Variants in GPC5 observed in about 807,000 individuals in gnomAD.
GPC5 encodes glypican 5, also known as glypican-5.
In GPC5, 47 loss-of-function variants were observed where a neutral mutation model predicts 53.9. The observed-to-expected ratio is 0.87, with a 90% CI of 0.69 to 1.11. GPC5 has a LOEUF of 1.11. GPC5 is among the 50% of genes most tolerant of loss of function. The pLI, the probability that GPC5 is intolerant of heterozygous loss-of-function variation, is 0.00. For missense variants in GPC5, 748 were observed against 713.1 expected (o/e 1.05, Z -0.56); for synonymous variants, 286 against 263.3 (o/e 1.09, Z -0.84).
chr13:91,572,094 T>C (rs1461971818), intron 2 of GPC5, among the ~76,000 whole-genome samples: 3 of 126,144 alleles, frequency 2.4e-5, no homozygotes, highest in East Asian at 2.1e-4. Context: ...TATGTACATG[T>C]GTGTGTATAT....
At chr13:91,602,836 C>A (rs987064689) in intron 2 of GPC5, among the ~76,000 whole-genome samples, 19 of 152,080 alleles carry the variant, frequency 1.2e-4, no homozygotes, top group Non-Finnish European at 1.6e-4. Flanking sequence ...CTTTTTTCTT[C>A]ATTTGTAATT....
chr13:92,864,436 T>C (rs975907698), intron 7 of GPC5, among the ~76,000 whole-genome samples: 1 of 152,072 alleles, frequency 6.6e-6, no homozygotes, highest in Non-Finnish European at 1.5e-5. Context: ...GGCTCATGAA[T>C]GAACAAAATA....
intron 6 of GPC5, chr13:91,995,515 C>T (rs1438179636): frequency 1.3e-5 from 2 of 152,144 alleles, no homozygotes; most frequent in African/African-American, 4.8e-5. Flanking sequence ...TGCTTCTGTT[C>T]TGTTCCCTTG....
intron 7 of GPC5, among the ~76,000 whole-genome samples, chr13:92,550,655 GT>G (rs1413759606): frequency 5.9e-5 from 9 of 151,786 alleles, no homozygotes; most frequent in African/African-American, 2.2e-4. Flanking sequence ...TCATGTTTAG[GT>G]ATACATGTTT....
intron 7 of GPC5, among the ~76,000 whole-genome samples, chr13:92,319,375 A>AT (rs577907211): frequency 1.3e-4 from 19 of 144,824 alleles, no homozygotes; most frequent in African/African-American, 1.8e-4. Flanking sequence ...GGGCCAATGT[A>AT]TTTTTTTTTC....
intron 2 of GPC5, among the ~76,000 whole-genome samples, chr13:91,673,337 T>TA (rs1290055551): frequency 6.6e-6 from 1 of 152,158 alleles, no homozygotes; most frequent in Non-Finnish European, 1.5e-5. Context: ...GAATTATATA[T>TA]AACATTTAAA....
chr13:92,806,943 G>A (rs1184948132), intron 7 of GPC5, among the ~76,000 whole-genome samples: 1 of 152,098 alleles, frequency 6.6e-6, no homozygotes, highest in Non-Finnish European at 1.5e-5. Flanking sequence ...CTGGATGCAA[G>A]GTGACCACAA....
intron 2 of GPC5, among the ~76,000 whole-genome samples, chr13:91,482,491 A>G (rs1196609802): frequency 6.6e-6 from 1 of 152,210 alleles, no homozygotes; most frequent in Non-Finnish European, 1.5e-5. Context: ...TATGCTTCTC[A>G]TAGTGTAATC....
chr13:92,113,618 G>A (rs1038944541), intron 6 of GPC5, among the ~76,000 whole-genome samples: 4 of 152,096 alleles, frequency 2.6e-5, no homozygotes, highest in African/African-American at 7.2e-5. Context: ...TTATTTTAAT[G>A]TGAAATGTTA....
In GPC5 at chr13:91,614,874, C is replaced by T. The variant is rs148567279; in HGVS notation, c.326-78313C>T. The stretch of plus-strand genomic sequence containing the variant: ...TGTTACTGAAAGACTGAAGAATAGG[C>T]ATGTCCAAGGCAAACATGTTTAAGT... On this transcript the variant is annotated intron_variant, in intron 2 of 7. Coordinates refer to ENST00000377067, the MANE Select transcript of GPC5 (RefSeq NM_004466.6). 1.5e-3 allele frequency among the ~76,000 whole-genome samples: 234 copies of T among 152,294 alleles called. 1 individual carries two copies. The highest frequency in any genetic ancestry group is 6.8e-3 in the Middle Eastern group (2 of 294).
At chr13:92,802,543 C>A (rs1876946894) in intron 7 of GPC5, among the ~76,000 whole-genome samples, 1 of 151,842 alleles carries the variant, frequency 6.6e-6, no homozygotes, top group Non-Finnish European at 1.5e-5. Flanking sequence ...GACTTGGAAC[C>A]AACCCAAATG....
chr13:91,904,140 C>CTTTTTTTTTTTT (rs57293387), intron 5 of GPC5, among the ~76,000 whole-genome samples: 6 of 94,666 alleles, frequency 6.3e-5, no homozygotes, highest in Non-Finnish European at 9.8e-5. Flanking sequence ...TCTTTTCTTT[C>CTTTTTTTTTTTT]TTTTTTTTTT....
intron 7 of GPC5, among the ~76,000 whole-genome samples, chr13:92,733,231 A>AT (rs1888853413): frequency 6.6e-6 from 1 of 151,732 alleles, no homozygotes. Context: ...CACAATGAAG[A>AT]TGTAGAGGAG....
rs1394268207 is a variant in GPC5 at position 92,068,876 on chromosome 13, AATATT to A, written c.1402-75950_1402-75946del. 5.3e-5 allele frequency among the ~76,000 whole-genome samples: 8 copies of A among 151,972 alleles called. No individual in the cohort carries two copies. In the South Asian group the frequency reaches 1.4e-3, roughly 28 times the overall value. ...AAGGATGCAACTCAGTGCACAATAT[AATATT>A]ATAAGCATAATATAATATAATATTT... is the stretch of plus-strand genomic sequence containing the variant. On this transcript the variant is annotated intron_variant, in intron 6 of 7. Transcript: ENST00000377067.
At chr13:92,019,207 C>CTA (rs1266353000) in intron 6 of GPC5, among the ~76,000 whole-genome samples, 4 of 151,768 alleles carry the variant, frequency 2.6e-5, no homozygotes, top group Non-Finnish European at 4.4e-5. Flanking sequence ...CATACTCTCT[C>CTA]TCTATATATA....
rs1429753356 is a variant in GPC5, at chr13:92,698,182, A to ATACTT, written c.1562-168097_1562-168093dup. On this transcript the variant is annotated intron_variant, in intron 7 of 7. Transcript: ENST00000377067. ...TTTCTTTTTTTCTTTTTTTTTAATTATACTTTAAGATTTAGGGTACATGTG... is the reference window on the plus strand; with the variant it reads ...TTTCTTTTTTTCTTTTTTTTTAATTATACTTTACTTTAAGATTTAGGGTACATGTG... Among the ~76,000 whole-genome samples, 5 of 151,618 alleles carry ATACTT rather than the reference A, an allele frequency of 3.3e-5. No homozygotes were observed. The East Asian group carries it at 9.7e-4, about 30-fold the overall frequency.
chr13:91,830,805 T>G (rs1222407221), intron 5 of GPC5, among the ~76,000 whole-genome samples: 1 of 138,660 alleles, frequency 7.2e-6, no homozygotes, highest in Non-Finnish European at 1.5e-5. Context: ...ATATATATAA[T>G]ATATATCCTA....
At chr13:91,580,710 T>C (rs2032329080) in intron 2 of GPC5, among the ~76,000 whole-genome samples, 1 of 152,214 alleles carries the variant, frequency 6.6e-6, no homozygotes, top group Admixed American at 6.5e-5. Flanking sequence ...GCTCTTACCA[T>C]CCACCTTCCT....
chr13:92,520,759 T>C (rs1274362579), intron 7 of GPC5, among the ~76,000 whole-genome samples: 1 of 152,022 alleles, frequency 6.6e-6, no homozygotes, highest in African/African-American at 2.4e-5. Flanking sequence ...CTGTTCAACA[T>C]AGTGTTGGAA....
Sources: allele counts gnomAD v4.1 joint callset (sites outside exome capture counted in the v4.1 genomes callset), GRCh38; gene constraint gnomAD v4.1.1; transcripts MANE v1.5; gene names NCBI Gene and HGNC (gene_info 2026-07-23, HGNC 2026-07-21).